AGTPBP1: variants seen among roughly 807,000 people sequenced by gnomAD.
AGTPBP1 encodes the protein ATP/GTP binding carboxypeptidase 1.
In AGTPBP1, 70 loss-of-function variants were observed where a neutral mutation model predicts 143.9. That is an observed-to-expected ratio of 0.49 (90% CI 0.40 to 0.59). AGTPBP1 has a LOEUF of 0.59. Among genes scored for constraint, AGTPBP1 ranks in the 20% least tolerant of loss-of-function variants. The probability of loss-of-function intolerance (pLI) is 0.00; values close to 1 mark genes in which losing one functional copy is unlikely to be tolerated. For synonymous variants in AGTPBP1, 463 were observed against 500.2 expected (o/e 0.93, Z 0.99); for missense variants, 1,229 against 1,464.5 (o/e 0.84, Z 2.62).
Position 85,589,600 on chromosome 9 carries a change from C to T in AGTPBP1, c.2650G>A (p.Gly884Arg), listed in dbSNP as rs1279796511. 6.2e-7 allele frequency: 1 copy of T among 1,613,582 alleles called. No individual in the cohort carries two copies. The highest frequency in any genetic ancestry group is 1.7e-5 in the Admixed American group (1 of 59,958). ...ATAGTCACCAAGGGGCAGCTGTTTC[C>T]AGACAGGGTTTCACATAACACATCT... ...RKDVLCETLSGNSCPLVTITA... is the reference protein window; with the variant it reads ...RKDVLCETLSRNSCPLVTITA... Residue 884 changes from glycine (G) to arginine (R), a missense_variant, in exon 20 of 26, where the codon GGA becomes AGA. This residue lies in a region of AGTPBP1 where 486 missense variants were observed against 652.3 expected (regional missense o/e 0.75). Coordinates refer to ENST00000357081, the MANE Select transcript of AGTPBP1 (RefSeq NM_001330701.2).
chr9:85,589,139 TCTGTGCTAGCTAC>T (rs1253046249), intron 20 of AGTPBP1, among the ~76,000 whole-genome samples: 1 of 152,188 alleles, frequency 6.6e-6, no homozygotes, highest in African/African-American at 2.4e-5. Flanking sequence ...GAATAACTAT[TCTGTGCTAGCTAC>T]CAAAACAATT....
the AGTPBP1 span, among the ~76,000 whole-genome samples, chr9:85,774,372 C>T: frequency 6.6e-6 from 1 of 151,958 alleles, no homozygotes; most frequent in Non-Finnish European, 1.5e-5. Flanking sequence ...TTTTATTTCC[C>T]AGGGATATAA....
chr9:85,709,746 A>C (rs1237210911), intron 2 of AGTPBP1, among the ~76,000 whole-genome samples: 7 of 152,196 alleles, frequency 4.6e-5, no homozygotes, highest in Non-Finnish European at 1.5e-5. Context: ...TAGTTGGAGA[A>C]TGAAAAGAAT....
At chr9:85,715,057 G>GTAAAA (rs1449022049) in intron 1 of AGTPBP1, among the ~76,000 whole-genome samples, 3 of 152,018 alleles carry the variant, frequency 2.0e-5, no homozygotes, top group Non-Finnish European at 4.4e-5. Flanking sequence ...GACCAGCCTA[G>GTAAAA]TAAACATGGT....
intron 25 of AGTPBP1, among the ~76,000 whole-genome samples, chr9:85,572,012 T>G (rs75162904): frequency 6.4e-5 from 1 of 15,564 alleles, no homozygotes; most frequent in African/African-American, 7.9e-4. Context: ...GTGTTTTTTT[T>G]TTTTTTTTTT....
upstream of AGTPBP1, among the ~76,000 whole-genome samples, chr9:85,743,499 T>G (rs1824508213): frequency 6.6e-6 from 1 of 152,228 alleles, no homozygotes; most frequent in African/African-American, 2.4e-5. Flanking sequence ...CCCCTGGGAA[T>G]GTGACATCAC....
intron 20 of AGTPBP1, 36 bp downstream of exon 20, chr9:85,589,492 A>G (rs1240602850): frequency 2.5e-6 from 4 of 1,572,314 alleles, no homozygotes; most frequent in East Asian, 4.5e-5. Context: ...AGTAGGTGAG[A>G]ATGACTGCTA....
At chr9:85,720,763 C>T (rs1448897448) in intron 1 of AGTPBP1, among the ~76,000 whole-genome samples, 20 of 152,006 alleles carry the variant, frequency 1.3e-4, no homozygotes, top group Admixed American at 1.2e-3. Flanking sequence ...GTTAGGGCGT[C>T]GATTTTAGAT....
At chr9:85,656,699 T>C (rs1025893237) in intron 10 of AGTPBP1, among the ~76,000 whole-genome samples, 2 of 152,176 alleles carry the variant, frequency 1.3e-5, no homozygotes, top group African/African-American at 4.8e-5. Context: ...AAATACACTG[T>C]CAAAAATGTT....
intron 25 of AGTPBP1, among the ~76,000 whole-genome samples, chr9:85,557,400 C>G (rs1294688011): frequency 6.6e-6 from 1 of 152,082 alleles, no homozygotes; most frequent in Non-Finnish European, 1.5e-5. Context: ...AAATGGAGCA[C>G]TTTTAGTTAT....
Position 85,678,323 on chromosome 9 carries a change from AC to A in AGTPBP1, c.289+11del. 4.4e-6 allele frequency: 7 copies of A among 1,580,328 alleles called. No individual in the cohort carries two copies. Among genetic ancestry groups the A allele is most frequent in the Non-Finnish European group, 6.0e-6 (7 of 1,158,104 alleles). The stretch of plus-strand genomic sequence containing the variant: ...TAGAAACAGAAATTAGACCAAAGAA[AC>A]AAAAACTTACCAGCTGACACCAGCT... On this transcript the variant is annotated intron_variant, in intron 5 of 25. Transcript: ENST00000357081.
chr9:85,601,486 C>G (rs1299081791), intron 17 of AGTPBP1, among the ~76,000 whole-genome samples: 10 of 152,180 alleles, frequency 6.6e-5, no homozygotes, highest in African/African-American at 2.2e-4. Context: ...GGATGGGCCA[C>G]CTCATCTGCC....
At chr9:85,770,705 A>G in the AGTPBP1 span, among the ~76,000 whole-genome samples, 1 of 152,212 alleles carries the variant, frequency 6.6e-6, no homozygotes, top group Non-Finnish European at 1.5e-5. Context: ...TGAGGTTCTT[A>G]AAGTTGGAGG....
At chr9:85,800,536 T>C in the AGTPBP1 span, among the ~76,000 whole-genome samples, 1 of 152,194 alleles carries the variant, frequency 6.6e-6, no homozygotes, top group Non-Finnish European at 1.5e-5. Context: ...TGTTTGCTTT[T>C]TCTTTATAGA....
chr9:85,560,524 G>A (rs1047717415), intron 25 of AGTPBP1, among the ~76,000 whole-genome samples: 1 of 152,054 alleles, frequency 6.6e-6, no homozygotes, highest in Non-Finnish European at 1.5e-5. Context: ...AAGTCTGCTC[G>A]AAAGTAAATC....
At chr9:85,611,404 T>C (rs1830311923) in intron 17 of AGTPBP1, among the ~76,000 whole-genome samples, 3 of 151,164 alleles carry the variant, frequency 2.0e-5, no homozygotes, top group Admixed American at 2.0e-4. Context: ...TTCAAACCAA[T>C]ATAAAAACAG....
At chr9:85,644,421 C>A (rs1159757444) in intron 12 of AGTPBP1, among the ~76,000 whole-genome samples, 3 of 145,338 alleles carry the variant, frequency 2.1e-5, no homozygotes, top group African/African-American at 5.2e-5. Flanking sequence ...TACATAGTGG[C>A]TATTTGGAGA....
At chr9:85,726,397 G>A (rs1023394915) in intron 1 of AGTPBP1, among the ~76,000 whole-genome samples, 1 of 152,104 alleles carries the variant, frequency 6.6e-6, no homozygotes, top group African/African-American at 2.4e-5. Context: ...TTAGTTTTTT[G>A]CTATGGTCTT....
At chr9:85,791,373 CAAAAAA>C in the AGTPBP1 span, 1 of 81,918 alleles carries the variant, frequency 1.2e-5, no homozygotes, top group Non-Finnish European at 2.8e-5. Context: ...GACTCCGTCT[CAAAAAA>C]AAAAAAAAAA....
Sources: allele counts gnomAD v4.1 joint callset (sites outside exome capture counted in the v4.1 genomes callset), GRCh38; gene constraint gnomAD v4.1.1; regional missense constraint gnomAD v4.1.1; transcripts MANE v1.5; gene names NCBI Gene and HGNC (gene_info 2026-07-23, HGNC 2026-07-21).